The following LRP1B variants were observed in gnomAD, a reference collection of about 807,000 sequenced individuals.
The protein encoded by LRP1B is LDL receptor related protein 1B.
A neutral mutation model predicts 556.6 loss-of-function variants in LRP1B; 217 were observed. The observed-to-expected ratio is 0.39, with a 90% confidence interval of 0.35 to 0.44. The LOEUF is 0.44. Among genes scored for constraint, LRP1B ranks in the 20% least tolerant of loss-of-function variants. The probability of loss-of-function intolerance (pLI) is 1.00; values close to 1 mark genes in which losing one functional copy is unlikely to be tolerated. For missense variants in LRP1B, 5,053 were observed against 5,620.8 expected (o/e 0.90, Z 3.23); for synonymous variants, 2,047 against 1,865.8 (o/e 1.10, Z -2.50).
chr2:140,437,955 T>C (rs1686257961), intron 66 of LRP1B, among the ~76,000 whole-genome samples: 1 of 152,192 alleles, frequency 6.6e-6, no homozygotes, highest in Admixed American at 6.5e-5. Flanking sequence ...TGATACTTGT[T>C]ATATAACTTA....
At chr2:141,923,514 A>G (rs1700254169) in intron 1 of LRP1B, among the ~76,000 whole-genome samples, 1 of 145,444 alleles carries the variant, frequency 6.9e-6, no homozygotes, top group African/African-American at 2.5e-5. Flanking sequence ...GGGGAGAGAG[A>G]GAGAGAGAGA....
chr2:141,089,647 T>C lies in LRP1B; in HGVS notation c.1014-27374A>G, dbSNP rs566558740. Among the ~76,000 whole-genome samples, 5 of 152,310 alleles carry C rather than the reference T, an allele frequency of 3.3e-5. No individual in the cohort carries two copies. In the East Asian group the frequency reaches 5.8e-4, roughly 18 times the overall value. On this transcript the variant is annotated intron_variant, in intron 7 of 90. Transcript: ENST00000389484. ...CTGGGGTGCATCCCACTGGGGAAAC[T>C]TTAGGAATCTGGGTAAAAAACACAC...
chr2:140,593,132 G>A (rs974298749), intron 43 of LRP1B, among the ~76,000 whole-genome samples: 1 of 152,130 alleles, frequency 6.6e-6, no homozygotes, highest in African/African-American at 2.4e-5. Context: ...TAGGGGTCAA[G>A]TTAGTCATAA....
chr2:140,686,631 A>C (rs917288121), intron 41 of LRP1B, among the ~76,000 whole-genome samples: 2 of 152,006 alleles, frequency 1.3e-5, no homozygotes, highest in Non-Finnish European at 2.9e-5. Flanking sequence ...GTAAATTGTG[A>C]GTTGGCATTT....
chr2:141,315,323 G>A (rs1370178851), intron 3 of LRP1B, among the ~76,000 whole-genome samples: 2 of 138,018 alleles, frequency 1.4e-5, no homozygotes, highest in Non-Finnish European at 3.0e-5. Flanking sequence ...GCAGTGGCGC[G>A]ATCTTGGCTC....
chr2:141,103,814 A>G (rs1700530709), intron 7 of LRP1B, among the ~76,000 whole-genome samples: 1 of 151,848 alleles, frequency 6.6e-6, no homozygotes, highest in Admixed American at 6.6e-5. Context: ...CTGTTTTTAA[A>G]GTGCACAAAA....
intron 10 of LRP1B, among the ~76,000 whole-genome samples, chr2:141,051,993 T>C (rs1699049394): frequency 6.6e-6 from 1 of 151,994 alleles, no homozygotes; most frequent in South Asian, 2.1e-4. Context: ...ATCAAGATTA[T>C]TGTCTATGTT....
intron 3 of LRP1B, among the ~76,000 whole-genome samples, chr2:141,464,309 A>G (rs554208554): frequency 1.7e-3 from 261 of 152,194 alleles, no homozygotes; most frequent in Non-Finnish European, 3.0e-3. Flanking sequence ...AGCACTTTGA[A>G]TTCTTCCATC....
intron 3 of LRP1B, among the ~76,000 whole-genome samples, chr2:141,320,447 G>T (rs905110603): frequency 6.6e-6 from 1 of 151,986 alleles, no homozygotes; most frequent in African/African-American, 2.4e-5. Flanking sequence ...AGTACGGGCG[G>T]TGAGGGGAGA....
intron 2 of LRP1B, among the ~76,000 whole-genome samples, chr2:141,585,484 A>C (rs1310486851): frequency 6.9e-6 from 1 of 144,746 alleles, no homozygotes; most frequent in Non-Finnish European, 1.5e-5. Flanking sequence ...GGTGGGGCTG[A>C]GGAAGAATGG....
At chr2:140,514,808 T>C (rs748276617) in intron 50 of LRP1B, 36 bp from the exon 51 acceptor site, 1 of 1,590,788 alleles carries the variant, frequency 6.3e-7, no homozygotes, top group South Asian at 1.1e-5. Context: ...AAAAATAGTT[T>C]GAGACCGTCT....
chr2:141,828,777 A>G (rs1416994163), intron 1 of LRP1B, among the ~76,000 whole-genome samples: 1 of 152,092 alleles, frequency 6.6e-6, no homozygotes, highest in Non-Finnish European at 1.5e-5. Flanking sequence ...AGGATCTGGT[A>G]CTCTTCCCTG....
chr2:141,175,094 G>A (rs1680679176), intron 7 of LRP1B, among the ~76,000 whole-genome samples: 1 of 152,112 alleles, frequency 6.6e-6, no homozygotes, highest in Non-Finnish European at 1.5e-5. Context: ...AAGCATTCAA[G>A]ATGTGACCTG....
At chr2:141,118,655 G>A (rs1700966673) in intron 7 of LRP1B, among the ~76,000 whole-genome samples, 1 of 151,788 alleles carries the variant, frequency 6.6e-6, no homozygotes, top group Admixed American at 6.6e-5. Context: ...GCACACTCTG[G>A]ACCACACTGT....
chr2:140,791,051 C>T lies in LRP1B; in HGVS notation c.5360-14813G>A, dbSNP rs1031872945. On this transcript the variant is annotated intron_variant, in intron 32 of 90. Coordinates refer to ENST00000389484, the MANE Select transcript of LRP1B (RefSeq NM_018557.3). ...AGGGTGGATCCTGAGGTCAAGAGAT[C>T]GAGACCATCCTGGCCAACATGGTGA... Among the ~76,000 whole-genome samples the T allele has an allele frequency of 7.3e-5, 11 of 151,376 alleles. No homozygotes were observed. In the East Asian group the frequency reaches 1.8e-3, roughly 24 times the overall value.
intron 33 of LRP1B, among the ~76,000 whole-genome samples, chr2:140,775,040 T>C (rs753142053): frequency 6.6e-6 from 1 of 152,132 alleles, no homozygotes; most frequent in Non-Finnish European, 1.5e-5. Context: ...TTCAGATAAA[T>C]GTTTAAAGCA....
At chr2:141,420,623 G>C (rs967013820) in intron 3 of LRP1B, among the ~76,000 whole-genome samples, 1 of 152,162 alleles carries the variant, frequency 6.6e-6, no homozygotes, top group Admixed American at 6.6e-5. Context: ...TACCAAGGCA[G>C]GTAAGACATA....
rs1005241651 is a variant in LRP1B at position 140,727,005 on chromosome 2, C to T, written c.5759-10189G>A. Among the ~76,000 whole-genome samples, 8 of 152,100 alleles carry T rather than the reference C, an allele frequency of 5.3e-5. No individual in the cohort carries two copies. In the South Asian group the frequency reaches 1.7e-3, roughly 32 times the overall value. On this transcript the variant is annotated intron_variant, in intron 35 of 90. Transcript: ENST00000389484. ...CACACTCTAGAGAATGGCTAGGATACCAAGAAAATCTAAGACAATGCAATA... is the reference window on the plus strand; with the variant it reads ...CACACTCTAGAGAATGGCTAGGATATCAAGAAAATCTAAGACAATGCAATA...
chr2:142,006,793 A>G (rs1364999395), intron 1 of LRP1B, among the ~76,000 whole-genome samples: 1 of 152,286 alleles, frequency 6.6e-6, no homozygotes, highest in East Asian at 1.9e-4. Flanking sequence ...CAAGGGAGAC[A>G]TCTGGTCTTC....
Sources: allele counts gnomAD v4.1 joint callset (sites outside exome capture counted in the v4.1 genomes callset), GRCh38; gene constraint gnomAD v4.1.1; transcripts MANE v1.5; gene names NCBI Gene and HGNC (gene_info 2026-07-23, HGNC 2026-07-21).